Variants in GRIK4 observed in about 807,000 individuals in gnomAD.
The protein encoded by GRIK4 is glutamate receptor ionotropic, kainate 4.
Under a neutral mutation model 104.9 loss-of-function variants are expected in GRIK4, and 40 were observed. The observed-to-expected ratio is 0.38, with a 90% CI of 0.30 to 0.50. The LOEUF is 0.50. GRIK4 is among the 20% of genes least tolerant of loss of function. The pLI, the probability that GRIK4 is intolerant of heterozygous loss-of-function variation, is 0.93. For synonymous variants in GRIK4, 485 were observed against 524.9 expected, an observed-to-expected ratio of 0.92 and a Z score of 1.04; for missense variants, 1,047 against 1,308.1, an observed-to-expected ratio of 0.80 and a Z score of 3.08.
chr11:120,764,105 T>C lies in GRIK4; in HGVS notation c.83-38588T>C, dbSNP rs182023199. On this transcript the variant is annotated intron_variant, in intron 3 of 20. Transcript: ENST00000527524. ...AGTCTCTTTGTGGGTCTCTAAGAAC[T>C]TGCTTTATGAATCTGGGTGCTCCTG... Among the ~76,000 whole-genome samples, 63 of 152,344 alleles carry C rather than the reference T, an allele frequency of 4.1e-4. 1 individual carries two copies. The highest frequency in any genetic ancestry group is 2.4e-4 in the Non-Finnish European group (16 of 68,026).
intron 3 of GRIK4, among the ~76,000 whole-genome samples, chr11:120,785,913 A>T (rs1363724072): frequency 6.6e-6 from 1 of 152,178 alleles, no homozygotes; most frequent in Non-Finnish European, 1.5e-5. Context: ...TGCCAAGCCC[A>T]TCACACTTCA....
chr11:120,538,164 C>T (rs750329326), intron 1 of GRIK4, among the ~76,000 whole-genome samples: 39 of 152,246 alleles, frequency 2.6e-4, no homozygotes, highest in Admixed American at 5.2e-4. Context: ...TGGAGCGGCA[C>T]GCATCCCATC....
At chr11:120,592,948 C>T (rs1212791725) in intron 1 of GRIK4, among the ~76,000 whole-genome samples, 1 of 152,050 alleles carries the variant, frequency 6.6e-6, no homozygotes, top group Admixed American at 6.6e-5. Context: ...TTTGGGAGGC[C>T]CAGGCGGGCA....
At chr11:120,979,683 A>T (rs951286954) in intron 19 of GRIK4, among the ~76,000 whole-genome samples, 1 of 152,134 alleles carries the variant, frequency 6.6e-6, no homozygotes, top group Non-Finnish European at 1.5e-5. Flanking sequence ...TGGAGAGAAG[A>T]CTGGAGGAGG....
intron 1 of GRIK4, among the ~76,000 whole-genome samples, chr11:120,536,273 G>T (rs1947973161): frequency 6.6e-6 from 1 of 152,224 alleles, no homozygotes; most frequent in Non-Finnish European, 1.5e-5. Flanking sequence ...GGAGCTCGCG[G>T]GGCTGGCAGC....
chr11:120,792,561 C>T (rs1029596189), intron 3 of GRIK4, among the ~76,000 whole-genome samples: 14 of 151,730 alleles, frequency 9.2e-5, no homozygotes, highest in African/African-American at 2.4e-4. Context: ...ATGAAAGGAC[C>T]GAAGTAGGGT....
intron 1 of GRIK4, among the ~76,000 whole-genome samples, chr11:120,596,934 A>T (rs1277602670): frequency 6.6e-6 from 1 of 152,156 alleles, no homozygotes; most frequent in Non-Finnish European, 1.5e-5. Context: ...CATGTTGGCC[A>T]GGCTAGTCTT....
At chr11:120,838,616 G>T (rs952694886) in intron 8 of GRIK4, among the ~76,000 whole-genome samples, 1 of 152,180 alleles carries the variant, frequency 6.6e-6, no homozygotes, top group Non-Finnish European at 1.5e-5. Context: ...GCAAAAATCT[G>T]CCAGTAAGAG....
At chr11:120,538,776 A>G (rs974186485) in intron 1 of GRIK4, among the ~76,000 whole-genome samples, 2 of 152,204 alleles carry the variant, frequency 1.3e-5, no homozygotes, top group Non-Finnish European at 2.9e-5. Flanking sequence ...TGGCAAACCA[A>G]TGCAACATAT....
In GRIK4 at chr11:120,787,866, T is replaced by C. The variant is rs1240405217; in HGVS notation, c.83-14827T>C. Among the ~76,000 whole-genome samples, 31 of 118,086 alleles carry C rather than the reference T, an allele frequency of 2.6e-4. 1 individual carries two copies. Among genetic ancestry groups the C allele is most frequent in the East Asian group, 8.6e-4 (4 of 4,626 alleles). The allele number at this position is 118,086 out of a possible 152,430, so 77.5% of individuals were successfully genotyped here. ...TCTTTTCTTTTCTTTTTTTTTTTTTTTTTTTTTTTTTTTTTGAGATGGAGT... is the reference window on the plus strand; with the variant it reads ...TCTTTTCTTTTCTTTTTTTTTTTTTCTTTTTTTTTTTTTTTGAGATGGAGT... On this transcript the variant is annotated intron_variant, in intron 3 of 20. Transcript: ENST00000527524.
chr11:120,845,282 C>A (rs888327618), intron 8 of GRIK4, among the ~76,000 whole-genome samples: 1 of 152,150 alleles, frequency 6.6e-6, no homozygotes, highest in South Asian at 2.1e-4. Flanking sequence ...GATGTACATG[C>A]GGCAAGTTAC....
chr11:120,521,040 C>A lies in GRIK4; in HGVS notation c.-159+9153C>A, dbSNP rs546671679. 2.0e-5 allele frequency among the ~76,000 whole-genome samples: 3 copies of A among 152,162 alleles called. No homozygotes were observed. In the South Asian group the frequency reaches 6.3e-4, roughly 32 times the overall value. ...AGGTGGGAGGTCAGCACAACTCTGC[C>A]CTTATGCTGAAGTTGCAATGCCATT... On this transcript the variant is annotated intron_variant, in intron 1 of 20. Transcript: ENST00000527524.
chr11:120,974,664 C>T (rs1194112624), intron 19 of GRIK4, among the ~76,000 whole-genome samples: 1 of 152,204 alleles, frequency 6.6e-6, no homozygotes, highest in Non-Finnish European at 1.5e-5. Context: ...AATCCCGAGT[C>T]TTTTTGCCAG....
chr11:120,636,040 C>T (rs914028318), intron 1 of GRIK4, among the ~76,000 whole-genome samples: 1 of 152,236 alleles, frequency 6.6e-6, no homozygotes, highest in African/African-American at 2.4e-5. Context: ...CTACCCTTTG[C>T]GTCTGGCTTT....
At position 120,712,046 on chromosome 11, in the gene GRIK4, C is replaced by G. The variant is rs560109710; in HGVS notation, c.82+51646C>G. On this transcript the variant is annotated intron_variant, in intron 3 of 20. Coordinates refer to ENST00000527524, the MANE Select transcript of GRIK4 (RefSeq NM_014619.5). ...TGGATGCAATAATACACAAAGCACACAAGGTCGCTGCTTCACGCAGCTTAC... is the reference window on the plus strand; with the variant it reads ...TGGATGCAATAATACACAAAGCACAGAAGGTCGCTGCTTCACGCAGCTTAC... Among the ~76,000 whole-genome samples the G allele has an allele frequency of 2.6e-5, 4 of 152,372 alleles. No individual in the cohort carries two copies. In the East Asian group the frequency reaches 5.8e-4, roughly 22 times the overall value.
At chr11:120,650,071 C>T (rs1343945396) in intron 1 of GRIK4, among the ~76,000 whole-genome samples, 1 of 152,196 alleles carries the variant, frequency 6.6e-6, no homozygotes, top group Non-Finnish European at 1.5e-5. Flanking sequence ...TCCCATCCCA[C>T]AGGTGGAAGC....
chr11:120,696,061 G>T (rs952610665), intron 3 of GRIK4, among the ~76,000 whole-genome samples: 1 of 152,182 alleles, frequency 6.6e-6, no homozygotes, highest in South Asian at 2.1e-4. Context: ...AGAGGGATCT[G>T]GGCTGCCTGC....
chr11:120,522,424 C>T (rs1212752201), intron 1 of GRIK4, among the ~76,000 whole-genome samples: 8 of 152,090 alleles, frequency 5.3e-5, no homozygotes, highest in Non-Finnish European at 8.8e-5. Context: ...CGGGTTCGAG[C>T]GATTCTCCTG....
At chr11:120,720,144 G>T (rs567375543) in intron 3 of GRIK4, among the ~76,000 whole-genome samples, 5 of 152,218 alleles carry the variant, frequency 3.3e-5, no homozygotes, top group South Asian at 4.1e-4. Context: ...TGTGTGTTGT[G>T]GGGGGAGGTG....
Sources: gnomAD v4.1 joint callset for allele counts (sites outside exome capture counted in the v4.1 genomes callset) on GRCh38, gnomAD v4.1.1 for gene constraint, MANE v1.5 for transcripts, NCBI Gene and HGNC (gene_info 2026-07-23, HGNC 2026-07-21) for gene names.